The following PLGRKT variants were observed in gnomAD, a reference collection of about 807,000 sequenced individuals.
PLGRKT encodes plasminogen receptor (KT).
PLGRKT carries 22 observed loss-of-function variants against 18.5 expected under a neutral mutation model. The observed-to-expected ratio is 1.19, with a 90% CI of 0.85 to 1.70. PLGRKT has a LOEUF of 1.70. Ranked by LOEUF, PLGRKT falls within the 40% of genes most tolerant of loss-of-function variation. The pLI, the probability that PLGRKT is intolerant of heterozygous loss-of-function variation, is 0.00. For synonymous variants in PLGRKT, 72 were observed against 52.8 expected, an observed-to-expected ratio of 1.36 and a Z score of -1.58; for missense variants, 235 against 174.4, an observed-to-expected ratio of 1.35 and a Z score of -1.96.
In PLGRKT at chr9:5,419,423, T is replaced by G. The variant is rs538446013; in HGVS notation, c.81+12474A>C. ...CTTCAGCGGACCTTTCTCCGTGGCG[T>G]GTTCAGGTGCTGGCTACAGAGGCCA... On this transcript the variant is annotated intron_variant, in intron 3 of 5. Transcript: ENST00000223864. Among the ~76,000 whole-genome samples, 198 of 152,296 alleles carry G rather than the reference T, an allele frequency of 1.3e-3. 1 individual carries two copies. Among genetic ancestry groups the G allele is most frequent in the Middle Eastern group, 6.8e-3 (2 of 294 alleles).
intron 3 of PLGRKT, among the ~76,000 whole-genome samples, chr9:5,401,801 T>C (rs899015826): frequency 1.3e-5 from 2 of 151,844 alleles, no homozygotes; most frequent in African/African-American, 4.8e-5. Context: ...AAAGGTGACA[T>C]CAATTTTTTT....
intron 3 of PLGRKT, among the ~76,000 whole-genome samples, chr9:5,392,817 T>C (rs556545109): frequency 6.6e-6 from 1 of 151,940 alleles, no homozygotes; most frequent in South Asian, 2.1e-4. Flanking sequence ...GATTGATTTT[T>C]ATTTATTTAC....
intron 3 of PLGRKT, among the ~76,000 whole-genome samples, chr9:5,400,302 T>A (rs943363670): frequency 5.3e-5 from 8 of 152,024 alleles, no homozygotes; most frequent in South Asian, 4.1e-4. Context: ...CCTCAAAACA[T>A]ATGTGGCTTC....
At chr9:5,390,794 C>G (rs1817936369) in intron 3 of PLGRKT, among the ~76,000 whole-genome samples, 1 of 151,844 alleles carries the variant, frequency 6.6e-6, no homozygotes, top group African/African-American at 2.4e-5. Context: ...AAAATAATAT[C>G]AAGTCAAGTT....
intron 3 of PLGRKT, among the ~76,000 whole-genome samples, chr9:5,429,359 C>A (rs766795357): frequency 6.6e-6 from 1 of 152,186 alleles, no homozygotes; most frequent in Non-Finnish European, 1.5e-5. Flanking sequence ...GCACAGGCAC[C>A]AAATACATCC....
rs189101473 is a variant in PLGRKT at position 5,367,539 on chromosome 9, G to A, written c.82-5651C>T. Among the ~76,000 whole-genome samples, 209 of 152,258 alleles carry A rather than the reference G, an allele frequency of 1.4e-3. 5 individuals carry two copies. The highest frequency in any genetic ancestry group is 0.014 in the Admixed American group (209 of 15,286). On this transcript the variant is annotated intron_variant, in intron 3 of 5. Transcript: ENST00000223864. ...TGCTGGGATAACTTCCTAGCTATAT[G>A]CAGAAGAATGAAAATGGACCCCTAC... is the stretch of plus-strand genomic sequence containing the variant.
chr9:5,408,344 G>A (rs561348443), intron 3 of PLGRKT, among the ~76,000 whole-genome samples: 21 of 152,310 alleles, frequency 1.4e-4, no homozygotes, highest in African/African-American at 4.8e-4. Context: ...ATGGGAAGCG[G>A]AGCAGTCACT....
chr9:5,415,764 A>G (rs184393742), intron 3 of PLGRKT, among the ~76,000 whole-genome samples: 1 of 152,288 alleles, frequency 6.6e-6, no homozygotes, highest in African/African-American at 2.4e-5. Context: ...GAACAAACCC[A>G]AAGTAAGAAA....
intron 5 of PLGRKT, among the ~76,000 whole-genome samples, chr9:5,359,525 T>G (rs1007810792): frequency 2.0e-5 from 3 of 152,242 alleles, no homozygotes; most frequent in Admixed American, 2.0e-4. Context: ...GATGACAGAC[T>G]AGATGTTTTC....
intron 3 of PLGRKT, among the ~76,000 whole-genome samples, chr9:5,390,503 A>G (rs1161500312): frequency 6.6e-6 from 1 of 151,870 alleles, no homozygotes; most frequent in East Asian, 1.9e-4. Flanking sequence ...GGCAGAATGC[A>G]AACACTATCA....
rs188233629 is a variant in PLGRKT, at chr9:5,434,170, C to T, written c.-6-2187G>A. ...ACCCCGTCTGGGAAGTGAGGAGCGCCTCTGCCCGGCCGCCACCCCGTCTGG... is the reference window on the plus strand; with the variant it reads ...ACCCCGTCTGGGAAGTGAGGAGCGCTTCTGCCCGGCCGCCACCCCGTCTGG... On this transcript the variant is annotated intron_variant, in intron 2 of 5. Transcript: ENST00000223864. Among the ~76,000 whole-genome samples, 43 of 150,198 alleles carry T rather than the reference C, an allele frequency of 2.9e-4. No individual in the cohort carries two copies. In the East Asian group the frequency reaches 6.8e-3, roughly 24 times the overall value.
At position 5,414,253 on chromosome 9, in the gene PLGRKT, G is replaced by A. The variant is rs118035391; in HGVS notation, c.81+17644C>T. On this transcript the variant is annotated intron_variant, in intron 3 of 5. Coordinates refer to ENST00000223864, the MANE Select transcript of PLGRKT (RefSeq NM_018465.4). ...GCAATCTCGCCTCACTGCAACTTCC[G>A]CTTCCCAGATCCAAGCGATTCTGCT... 7.5e-3 allele frequency among the ~76,000 whole-genome samples: 1,137 copies of A among 152,238 alleles called. 8 individuals carry two copies. The highest frequency in any genetic ancestry group is 0.011 in the Non-Finnish European group (759 of 68,008).
rs543362961 is a variant in PLGRKT at position 5,390,245 on chromosome 9, A to G, written c.82-28357T>C. ...TGTGTGTGTGTGTGTGTATGTGTAT[A>G]TATATATATATATTTGCCTTTCTCC... On this transcript the variant is annotated intron_variant, in intron 3 of 5. Transcript: ENST00000223864. 9.7e-3 allele frequency among the ~76,000 whole-genome samples: 1,453 copies of G among 150,514 alleles called. 62 individuals carry two copies. Among genetic ancestry groups the G allele is most frequent in the African/African-American group, 0.034 (1,373 of 40,240 alleles).
intron 4 of PLGRKT, among the ~76,000 whole-genome samples, 165 bp from the exon 5 acceptor site, chr9:5,361,352 A>G (rs1208833636): frequency 6.6e-6 from 1 of 152,194 alleles, no homozygotes; most frequent in African/African-American, 2.4e-5. Context: ...TCCTTACCCA[A>G]TACCCCTAAC....
At chr9:5,387,000 G>A (rs1188560321) in intron 3 of PLGRKT, among the ~76,000 whole-genome samples, 1 of 151,882 alleles carries the variant, frequency 6.6e-6, no homozygotes, top group African/African-American at 2.4e-5. Context: ...AAGGTTGGAT[G>A]GGTGATGGCA....
At chr9:5,379,327 T>C (rs1045764755) in intron 3 of PLGRKT, among the ~76,000 whole-genome samples, 2 of 152,266 alleles carry the variant, frequency 1.3e-5, no homozygotes, top group South Asian at 2.1e-4. Flanking sequence ...AAAGAAAACT[T>C]TGAAAATTGT....
chr9:5,382,820 C>A (rs538104745), intron 3 of PLGRKT, among the ~76,000 whole-genome samples: 4 of 152,160 alleles, frequency 2.6e-5, no homozygotes, highest in African/African-American at 9.6e-5. Flanking sequence ...ATGGCACAGA[C>A]AGAAAGAAGT....
intron 3 of PLGRKT, among the ~76,000 whole-genome samples, chr9:5,403,170 G>T (rs1475543925): frequency 6.6e-6 from 1 of 151,440 alleles, no homozygotes. Context: ...CCAATACTAG[G>T]TGCTTTGTTA....
chr9:5,420,348 A>G (rs1563788253), intron 3 of PLGRKT, among the ~76,000 whole-genome samples: 1 of 152,234 alleles, frequency 6.6e-6, no homozygotes, highest in Non-Finnish European at 1.5e-5. Flanking sequence ...AACACTGTAC[A>G]TGTACTAAAT....
Sources: allele counts gnomAD v4.1 joint callset (sites outside exome capture counted in the v4.1 genomes callset), GRCh38; gene constraint gnomAD v4.1.1; transcripts MANE v1.5; gene names NCBI Gene and HGNC (gene_info 2026-07-23, HGNC 2026-07-21).